Variants in NUP98 observed in about 807,000 individuals in gnomAD.
NUP98 encodes the protein nucleoporin 98 and 96 precursor, also known as nuclear pore complex protein Nup98-Nup96.
A neutral mutation model predicts 191.9 loss-of-function variants in NUP98; 26 were observed. That is an observed-to-expected ratio of 0.14 (90% CI 0.10 to 0.19). NUP98 has a LOEUF of 0.19. Ranked by LOEUF, NUP98 falls within the 10% of genes least tolerant of loss-of-function variation. The pLI, the probability that NUP98 is intolerant of heterozygous loss-of-function variation, is 1.00. For missense variants in NUP98, 1,941 were observed against 2,178.8 expected, an observed-to-expected ratio of 0.89 and a Z score of 2.17; for synonymous variants, 808 against 778.4, an observed-to-expected ratio of 1.04 and a Z score of -0.63.
intron 11 of NUP98, among the ~76,000 whole-genome samples, chr11:3,752,655 C>A (rs1209355597): frequency 6.6e-6 from 1 of 151,312 alleles, no homozygotes; most frequent in East Asian, 1.9e-4. Context: ...AACTAAATGA[C>A]CACACCTGCA....
intron 16 of NUP98, among the ~76,000 whole-genome samples, chr11:3,721,816 G>A (rs2957866): frequency 0.5 from 76,370 of 151,954 alleles, 19,461 homozygotes; most frequent in South Asian, 0.56. Flanking sequence ...GTAGTGGAAC[G>A]CTGGTGTGCT....
chr11:3,702,561 A>G lies in NUP98; in HGVS notation c.3414T>C (p.Asn1138=). The change falls in exon 23 of 33, where the codon AAT becomes AAC. Residue 1138 remains asparagine, a synonymous_variant. Transcript: ENST00000324932. ...GAGAGCCATTCAGCTGTTCTCCACTATTAGCAAGAGTCCAGTTGGGGCCCC... is the reference window on the plus strand; with the variant it reads ...GAGAGCCATTCAGCTGTTCTCCACTGTTAGCAAGAGTCCAGTTGGGGCCCC... ...VGWGPNWTLA[N]SGEQLNGSHE... is the part of the protein sequence containing the mutation. 6.2e-7 allele frequency: 1 copy of G among 1,614,116 alleles called. No individual in the cohort carries two copies. The highest frequency in any genetic ancestry group is 8.5e-7 in the Non-Finnish European group (1 of 1,180,008).
In NUP98 at chr11:3,751,749, C is replaced by T. The variant is rs527843834; in HGVS notation, c.1267+1567G>A. On this transcript the variant is annotated intron_variant, in intron 11 of 32. Coordinates refer to ENST00000324932, the MANE Select transcript of NUP98 (RefSeq NM_016320.5). ...TGGCTTGCACCTGTTGTCCCAGTTA[C>T]TAGGGAGGCTGAGGTGGGAGGATGG... Among the ~76,000 whole-genome samples the T allele has an allele frequency of 3.9e-5, 6 of 152,102 alleles. No individual in the cohort carries two copies. The East Asian group carries it at 1.2e-3, about 29-fold the overall frequency.
At chr11:3,679,173 A>G (rs1196061997) in intron 31 of NUP98, among the ~76,000 whole-genome samples, 3 of 151,006 alleles carry the variant, frequency 2.0e-5, no homozygotes, top group African/African-American at 7.3e-5. Context: ...TTTAAAACCC[A>G]TATTTGCAAT....
At chr11:3,757,709 G>T (rs2081021827) in intron 10 of NUP98, among the ~76,000 whole-genome samples, 1 of 151,858 alleles carries the variant, frequency 6.6e-6, no homozygotes, top group African/African-American at 2.4e-5. Flanking sequence ...TGAGGCAGAA[G>T]AATCGCTTGA....
At chr11:3,744,784 G>GT in intron 11 of NUP98, 135 bp from the exon 12 acceptor site, 2 of 940,044 alleles carry the variant, frequency 2.1e-6, no homozygotes, top group Admixed American at 2.9e-5. Context: ...GGTGAATACG[G>GT]TAAGTGTTAC....
At chr11:3,780,192 G>A (rs556577845) in intron 2 of NUP98, among the ~76,000 whole-genome samples, 241 of 151,844 alleles carry the variant, frequency 1.6e-3, no homozygotes, top group African/African-American at 5.0e-3. Flanking sequence ...AGACATGGAC[G>A]TAGAATTCTT....
intron 21 of NUP98, among the ~76,000 whole-genome samples, chr11:3,705,767 A>T (rs558988003): frequency 6.6e-6 from 1 of 152,310 alleles, no homozygotes; most frequent in Non-Finnish European, 1.5e-5. Context: ...TCTTAAAAGT[A>T]CCCTGTGATG....
intron 26 of NUP98, 120 bp downstream of exon 26, chr11:3,695,329 G>T: frequency 1.1e-6 from 1 of 880,074 alleles, no homozygotes; most frequent in Non-Finnish European, 1.6e-6. Flanking sequence ...ATTGTCCAAT[G>T]TGTAAAACAT....
In NUP98 at chr11:3,706,681, T is replaced by C. The variant is rs76545116; in HGVS notation, c.2743-54A>G. The stretch of plus-strand genomic sequence containing the variant: ...AGCATTAAATTATACCAAACAGAAA[T>C]AGATTCTAAATCAGATTTACTTTAT... On this transcript the variant is annotated intron_variant, in intron 20 of 32. Coordinates refer to ENST00000324932, the MANE Select transcript of NUP98 (RefSeq NM_016320.5). The C allele has an allele frequency of 2.0e-3, 2,980 of 1,468,356 alleles. 53 individuals carry two copies. In the African/African-American group the frequency reaches 0.037, roughly 18 times the overall value. The allele number at this position is 1,468,356 out of a possible 1,614,324, so 91.0% of individuals were successfully genotyped here.
chr11:3,761,459 TA>T (rs1181991698), intron 9 of NUP98, among the ~76,000 whole-genome samples: 1 of 151,936 alleles, frequency 6.6e-6, no homozygotes, highest in Non-Finnish European at 1.5e-5. Flanking sequence ...CCACCTCTAC[TA>T]AAAAATACAA....
chr11:3,709,019 A>G (rs969040878), intron 20 of NUP98, among the ~76,000 whole-genome samples: 1 of 152,258 alleles, frequency 6.6e-6, no homozygotes, highest in Admixed American at 6.5e-5. Flanking sequence ...GAGATCTCTC[A>G]AAAGACTGTT....
chr11:3,699,963 AG>A (rs142757220), intron 24 of NUP98, among the ~76,000 whole-genome samples: 1,947 of 152,334 alleles, frequency 0.013, 45 homozygotes, highest in African/African-American at 0.045. Flanking sequence ...TAGATGAGAA[AG>A]GTAATCTTGA....
chr11:3,781,178 C>A (rs1214470710), intron 2 of NUP98, among the ~76,000 whole-genome samples: 7 of 126,098 alleles, frequency 5.6e-5, no homozygotes, highest in Non-Finnish European at 1.1e-4. Flanking sequence ...AGTGCAGGAT[C>A]CTATCTCAAA....
rs2082723690 is a variant in NUP98, at chr11:3,797,425, G to A, written c.-54C>T. 1 of 408,210 alleles carries A rather than the reference G, an allele frequency of 2.4e-6. No individual in the cohort carries two copies. The highest frequency in any genetic ancestry group is 3.6e-5 in the East Asian group (1 of 28,066). The allele number at this position is 408,210 out of a possible 1,614,324, so 25.3% of individuals were successfully genotyped here. A position where few individuals can be genotyped will look rare whatever the true frequency, so the allele number is the denominator to read the frequency against. ...CGCGGTTCGGTGGGGAAGGGGAAGT[G>A]TCAGGAGTCCCCTGCTGCCACCCGC... On this transcript the variant is annotated 5_prime_UTR_variant, in exon 1 of 33. Transcript: ENST00000324932.
At chr11:3,780,421 A>G (rs979691126) in intron 2 of NUP98, among the ~76,000 whole-genome samples, 3 of 150,590 alleles carry the variant, frequency 2.0e-5, no homozygotes, top group African/African-American at 7.3e-5. Context: ...GGGTGCCTGT[A>G]GTCCCAGCTA....
intron 12 of NUP98, 43 bp from the exon 13 acceptor site, chr11:3,735,367 TAA>T: frequency 3.7e-6 from 4 of 1,069,156 alleles, no homozygotes; most frequent in East Asian, 3.1e-5. Flanking sequence ...TATATATATA[TAA>T]ATGCAAGGAT....
Position 3,753,345 on chromosome 11 carries a change from C to T in NUP98, c.1238G>A (p.Gly413Glu), listed in dbSNP as rs142489324. 6.2e-7 allele frequency: 1 copy of T among 1,614,122 alleles called. No individual in the cohort carries two copies. The highest frequency in any genetic ancestry group is 1.1e-5 in the South Asian group (1 of 91,074). ...TCCAAATCCTGCACCAAGCCCAGTT[C>T]CAAGAGTCCCAGGTGCTGGTTTACT... ...FGSKPAPGTL[G>E]TGLGAGFGTA... The change falls in exon 11 of 33, where the codon GGA (glycine) becomes GAA (glutamate). Residue 413 changes from glycine (G) to glutamate (E), a missense_variant. Gly to Glu is a moderately conservative substitution (Grantham distance 98, BLOSUM62 -2). Transcript: ENST00000324932.
chr11:3,791,858 AAT>A (rs201028920), intron 1 of NUP98, among the ~76,000 whole-genome samples: 7,326 of 150,416 alleles, frequency 0.049, 232 homozygotes, highest in Middle Eastern at 0.094. Context: ...AAAAAAAAAA[AAT>A]TTTGATACAA....
Sources: allele counts gnomAD v4.1 joint callset (sites outside exome capture counted in the v4.1 genomes callset), GRCh38; gene constraint gnomAD v4.1.1; transcripts MANE v1.5; gene names NCBI Gene and HGNC (gene_info 2026-07-23, HGNC 2026-07-21).